Variants in LRRC55 observed in about 807,000 individuals in gnomAD.
LRRC55 encodes leucine rich repeat containing 55, also known as leucine-rich repeat-containing protein 55.
In LRRC55, 11 loss-of-function variants were observed where a neutral mutation model predicts 20.5. The observed-to-expected ratio is 0.54, with a 90% CI of 0.34 to 0.89. LRRC55 has a LOEUF of 0.89. Ranked by LOEUF, LRRC55 falls within the 40% of genes least tolerant of loss-of-function variation. The probability of loss-of-function intolerance (pLI) is 0.02; values close to 1 mark genes in which losing one functional copy is unlikely to be tolerated. For synonymous variants in LRRC55, 188 were observed against 166.6 expected (o/e 1.13, Z -0.99); for missense variants, 358 against 390.9 (o/e 0.92, Z 0.71).
At chr11:57,183,576 C>T (rs887041732) in intron 1 of LRRC55, among the ~76,000 whole-genome samples, 18 of 152,134 alleles carry the variant, frequency 1.2e-4, no homozygotes, top group Admixed American at 8.5e-4. Context: ...TCTGGCCTGC[C>T]GGAAGAGTCA....
At position 57,191,621 on chromosome 11, in the gene LRRC55, C is replaced by G. The variant is rs1471848938; in HGVS notation, c.*4141C>G. The stretch of plus-strand genomic sequence containing the variant: ...GTGGGGTTAGAGGGAAGATGCCAAC[C>G]TTTGTATGGAGATGATTTTATAACC... On this transcript the variant is annotated 3_prime_UTR_variant, in exon 2 of 2. Coordinates refer to ENST00000497933, the MANE Select transcript of LRRC55 (RefSeq NM_001005210.4). 1 of 152,152 alleles carries G rather than the reference C, an allele frequency of 6.6e-6. No homozygotes were observed. Among genetic ancestry groups the G allele is most frequent in the Admixed American group, 6.6e-5 (1 of 15,254 alleles). The allele number at this position is 152,152 out of a possible 1,614,324, so 9.4% of individuals were successfully genotyped here.
In LRRC55 at chr11:57,187,483, T is replaced by C. The variant is rs963328179; in HGVS notation, c.*3T>C. The C allele has an allele frequency of 1.9e-6, 3 of 1,612,202 alleles. No homozygotes were observed. Among genetic ancestry groups the C allele is most frequent in the Middle Eastern group, 1.6e-4 (1 of 6,084 alleles). ...CCAGTGAAGAGGAAGAGATCTGACA[T>C]GCCTGCCTCTCATCCCTCCATGCTG... is the stretch of plus-strand genomic sequence containing the variant. On this transcript the variant is annotated 3_prime_UTR_variant, in exon 2 of 2. Coordinates refer to ENST00000497933, the MANE Select transcript of LRRC55 (RefSeq NM_001005210.4).
rs1255726791 is a variant in LRRC55 at position 57,187,212 on chromosome 11, G to A, written c.662-33G>A. 3.1e-6 allele frequency: 5 copies of A among 1,592,148 alleles called. No individual in the cohort carries two copies. In the East Asian group the frequency reaches 1.1e-4, roughly 36 times the overall value. On this transcript the variant is annotated intron_variant, in intron 1 of 1. Coordinates refer to ENST00000497933, the MANE Select transcript of LRRC55 (RefSeq NM_001005210.4). ...CTTTCCAATCCCCTCTCCTTCCCTGGGTACCTCACCCTCCCTGGCTTCTGT... is the reference window on the plus strand; with the variant it reads ...CTTTCCAATCCCCTCTCCTTCCCTGAGTACCTCACCCTCCCTGGCTTCTGT...
In LRRC55 at chr11:57,182,609, A is replaced by G; in HGVS notation, c.587A>G (p.Asn196Ser). The G allele has an allele frequency of 1.3e-6, 2 of 1,527,594 alleles. No homozygotes were observed. The highest frequency in any genetic ancestry group is 1.8e-6 in the Non-Finnish European group (2 of 1,138,834). 94.6% of individuals were successfully genotyped at this position (1,527,594 alleles called of 1,614,324 possible). The change falls in exon 1 of 2, where the codon AAT (asparagine) becomes AGT (serine). Residue 196 changes from asparagine to serine, a missense_variant. By Grantham distance (46) the Asn-to-Ser change is conservative (BLOSUM62 1). Around this residue, in one of 3 missense-constraint regions of LRRC55, gnomAD observed 178 missense variants for 207.9 expected, o/e 0.86. Coordinates refer to ENST00000497933, the MANE Select transcript of LRRC55 (RefSeq NM_001005210.4). The part of the protein sequence containing the change: ...PGLVTLQIGG[N>S]PWVCGCTMEP... ...CTGGTGACCCTGCAGATCGGTGGCA[A>G]TCCCTGGGTGTGTGGCTGCACCATG...
Position 57,189,943 on chromosome 11 carries a change from A to G in LRRC55, c.*2463A>G, listed in dbSNP as rs1266852404. ...CCTGTGTCCCCTGAATCTTTCTTAC[A>G]ACATCTGGGACAAATCCCTGGCCCT... On this transcript the variant is annotated 3_prime_UTR_variant, in exon 2 of 2. Transcript: ENST00000497933. 6.6e-6 allele frequency: 1 copy of G among 152,258 alleles called. No individual in the cohort carries two copies. Among genetic ancestry groups the G allele is most frequent in the Non-Finnish European group, 1.5e-5 (1 of 68,086 alleles). The allele number at this position is 152,258 out of a possible 1,614,324, so 9.4% of individuals were successfully genotyped here.
chr11:57,182,192 TCTC>T lies in LRRC55; in HGVS notation c.172_174del (p.Ser58del). ...GTGGATTGTAGCAGCCAGCGGCTATTCTCCGTGCCCCCAGACCTGCCAATGGAC... is the reference window on the plus strand; with the variant it reads ...GTGGATTGTAGCAGCCAGCGGCTATTCGTGCCCCCAGACCTGCCAATGGAC... On this transcript the variant is annotated inframe_deletion, in exon 1 of 2. Transcript: ENST00000497933. 6.2e-7 allele frequency: 1 copy of T among 1,614,170 alleles called. No homozygotes were observed. The highest frequency in any genetic ancestry group is 8.5e-7 in the Non-Finnish European group (1 of 1,180,018).
rs945291509 is a variant in LRRC55, at chr11:57,190,585, T to C, written c.*3105T>C. The C allele has an allele frequency of 6.6e-6, 1 of 152,342 alleles. No homozygotes were observed. Among genetic ancestry groups the C allele is most frequent in the South Asian group, 2.1e-4 (1 of 4,828 alleles). The allele number at this position is 152,342 out of a possible 1,614,324, so 9.4% of individuals were successfully genotyped here. The stretch of plus-strand genomic sequence containing the variant: ...ATGTATGTGATGGGGTATCTCTGCA[T>C]CTGTATGTCTGTCTGCGAGGTTCCT... On this transcript the variant is annotated 3_prime_UTR_variant, in exon 2 of 2. Coordinates refer to ENST00000497933, the MANE Select transcript of LRRC55 (RefSeq NM_001005210.4).
At position 57,189,920 on chromosome 11, in the gene LRRC55, T is replaced by G. The variant is rs1400365580; in HGVS notation, c.*2440T>G. Reference sequence around the variant, plus strand: ...TTGCTAGACCTGAAGTACTTGAACCTGTGTCCCCTGAATCTTTCTTACAAC... The same window carrying G: ...TTGCTAGACCTGAAGTACTTGAACCGGTGTCCCCTGAATCTTTCTTACAAC... On this transcript the variant is annotated 3_prime_UTR_variant, in exon 2 of 2. Coordinates refer to ENST00000497933, the MANE Select transcript of LRRC55 (RefSeq NM_001005210.4). 6.6e-6 allele frequency: 1 copy of G among 152,250 alleles called. No homozygotes were observed. Among genetic ancestry groups the G allele is most frequent in the African/African-American group, 2.4e-5 (1 of 41,456 alleles). 9.4% of individuals were successfully genotyped at this position (152,250 alleles called of 1,614,324 possible).
intron 1 of LRRC55, among the ~76,000 whole-genome samples, chr11:57,185,218 A>G (rs1456862587): frequency 6.6e-6 from 1 of 151,072 alleles, no homozygotes; most frequent in East Asian, 1.9e-4. Context: ...ATGTCTTCAT[A>G]CTGACTCTCA....
chr11:57,185,394 C>T (rs1854419354), intron 1 of LRRC55, among the ~76,000 whole-genome samples: 1 of 149,792 alleles, frequency 6.7e-6, no homozygotes, highest in Admixed American at 6.7e-5. Flanking sequence ...AATTCTCCTG[C>T]CTCAGCCTCC....
In LRRC55 at chr11:57,186,001, T is replaced by C. The variant is rs1019816730; in HGVS notation, c.662-1244T>C. Reference sequence around the variant, plus strand: ...TAATTGAAATATAATATATGTTATATATTATATATTACATTAATATGTAGC... The same window carrying C: ...TAATTGAAATATAATATATGTTATACATTATATATTACATTAATATGTAGC... On this transcript the variant is annotated intron_variant, in intron 1 of 1. Transcript: ENST00000497933. Among the ~76,000 whole-genome samples, 5 of 151,222 alleles carry C rather than the reference T, an allele frequency of 3.3e-5. No individual in the cohort carries two copies. The South Asian group carries it at 8.3e-4, about 25-fold the overall frequency.
Position 57,187,525 on chromosome 11 carries a change from C to A in LRRC55, c.*45C>A, listed in dbSNP as rs1221422655. 1 of 1,558,386 alleles carries A rather than the reference C, an allele frequency of 6.4e-7. No individual in the cohort carries two copies. The highest frequency in any genetic ancestry group is 8.8e-7 in the Non-Finnish European group (1 of 1,141,642). ...TCCATGCTGCTGACCGCCACAGCTG[C>A]TGGCCACCAGACGCCCTCCCTGACT... is the stretch of plus-strand genomic sequence containing the variant. On this transcript the variant is annotated 3_prime_UTR_variant, in exon 2 of 2. Transcript: ENST00000497933.
In LRRC55 at chr11:57,190,675, T is replaced by C. The variant is rs1376005165; in HGVS notation, c.*3195T>C. The C allele has an allele frequency of 1.3e-5, 2 of 152,232 alleles. No homozygotes were observed. Among genetic ancestry groups the C allele is most frequent in the African/African-American group, 4.8e-5 (2 of 41,464 alleles). 9.4% of individuals were successfully genotyped at this position (152,232 alleles called of 1,614,324 possible). ...AGAACTTGGGTTCAGTTCTCTGACATAGTCCACTCAGCCATAGGCTGAGTG... is the reference window on the plus strand; with the variant it reads ...AGAACTTGGGTTCAGTTCTCTGACACAGTCCACTCAGCCATAGGCTGAGTG... On this transcript the variant is annotated 3_prime_UTR_variant, in exon 2 of 2. Coordinates refer to ENST00000497933, the MANE Select transcript of LRRC55 (RefSeq NM_001005210.4).
At chr11:57,186,582 G>A (rs936776457) in intron 1 of LRRC55, among the ~76,000 whole-genome samples, 1 of 152,342 alleles carries the variant, frequency 6.6e-6, no homozygotes, top group South Asian at 2.1e-4. Flanking sequence ...GAGCTGAGCT[G>A]TGCAGAGATC....
rs571529455 is a variant in LRRC55 at position 57,189,694 on chromosome 11, C to G, written c.*2214C>G. ...AGAAGAACATCAAGGCACAGTCCAA[C>G]ATGCTGATAAGTCTGGCCAGGAGGA... On this transcript the variant is annotated 3_prime_UTR_variant, in exon 2 of 2. Coordinates refer to ENST00000497933, the MANE Select transcript of LRRC55 (RefSeq NM_001005210.4). The G allele has an allele frequency of 6.6e-6, 1 of 152,416 alleles. No individual in the cohort carries two copies. Among genetic ancestry groups the G allele is most frequent in the African/African-American group, 2.4e-5 (1 of 41,570 alleles). 9.4% of individuals were successfully genotyped at this position (152,416 alleles called of 1,614,324 possible).
intron 1 of LRRC55, among the ~76,000 whole-genome samples, chr11:57,183,349 A>G (rs1854387811): frequency 6.6e-6 from 1 of 152,224 alleles, no homozygotes. Flanking sequence ...GAGGAACTTG[A>G]GACCTTAGTA....
Position 57,182,440 on chromosome 11 carries a change from G to C in LRRC55, c.418G>C (p.Val140Leu), listed in dbSNP as rs1460102078. The change falls in exon 1 of 2, where the codon GTC (valine) becomes CTC (leucine). Residue 140 changes from valine (V) to leucine (L), a missense_variant. Around this residue, in one of 3 missense-constraint regions of LRRC55, gnomAD observed 178 missense variants for 207.9 expected, o/e 0.86. Coordinates refer to ENST00000497933, the MANE Select transcript of LRRC55 (RefSeq NM_001005210.4). ...CATGTTCCAGGAGGCCCATGGGCTA[G>C]TCCACATCGACCTGAGCCACAACCC... The part of the protein sequence containing the change: ...ADMFQEAHGL[V>L]HIDLSHNPWL... 8 of 1,612,274 alleles carry C rather than the reference G, an allele frequency of 5.0e-6. No homozygotes were observed. In the South Asian group the frequency reaches 8.8e-5, roughly 18 times the overall value.
Position 57,182,163 on chromosome 11 carries a change from G to A in LRRC55, c.141G>A (p.Gln47=), listed in dbSNP as rs778996691. The change falls in exon 1 of 2, where the codon CAG becomes CAA. Residue 47 remains glutamine, a synonymous_variant. Coordinates refer to ENST00000497933, the MANE Select transcript of LRRC55 (RefSeq NM_001005210.4). ...SCPVLCTCRN[Q]VVDCSSQRLF... is the part of the protein sequence containing the mutation. ...CCGTCCTTTGCACATGCCGTAACCA[G>A]GTGGTGGATTGTAGCAGCCAGCGGC... 8 of 1,614,068 alleles carry A rather than the reference G, an allele frequency of 5.0e-6. No homozygotes were observed. The Admixed American group carries it at 6.7e-5, about 13-fold the overall frequency.
intron 1 of LRRC55, among the ~76,000 whole-genome samples, chr11:57,185,252 CTTCTTTTCTT>C (rs1367394094): frequency 1.3e-5 from 2 of 148,322 alleles, no homozygotes; most frequent in Admixed American, 6.7e-5. Context: ...GGATTATCCC[CTTCTTTTCTT>C]TTCTTTTCTT....
Sources: allele counts gnomAD v4.1 joint callset (sites outside exome capture counted in the v4.1 genomes callset), GRCh38; gene constraint gnomAD v4.1.1; regional missense constraint gnomAD v4.1.1; transcripts MANE v1.5; gene names NCBI Gene and HGNC (gene_info 2026-07-23, HGNC 2026-07-21).